The following MTBP variants were observed in gnomAD, a reference collection of about 807,000 sequenced individuals.
MTBP encodes MDM2 binding protein.
In MTBP, 101 loss-of-function variants were observed where a neutral mutation model predicts 117.0. The ratio of observed to expected loss-of-function variants is 0.86; its 90% CI spans 0.73 to 1.02. The LOEUF is 1.02. MTBP is among the 50% of genes least tolerant of loss of function. The pLI, the probability that MTBP is intolerant of heterozygous loss-of-function variation, is 0.00. For synonymous variants in MTBP, 350 were observed against 351.5 expected, an observed-to-expected ratio of 1.00 and a Z score of 0.05; for missense variants, 970 against 1,030.9, an observed-to-expected ratio of 0.94 and a Z score of 0.81.
At chr8:120,474,087 A>C (rs1192719846) in intron 11 of MTBP, 1 of 151,968 alleles carries the variant, frequency 6.6e-6, no homozygotes, top group Non-Finnish European at 1.5e-5. Flanking sequence ...TAATTTTAAG[A>C]ATATATCATG....
intron 2 of MTBP, among the ~76,000 whole-genome samples, chr8:120,449,965 A>G (rs1418660626): frequency 6.6e-6 from 1 of 152,216 alleles, no homozygotes; most frequent in Non-Finnish European, 1.5e-5. Context: ...TGTGGACAGT[A>G]CCTTCAGAAG....
Position 120,501,186 on chromosome 8 carries a change from A to G in MTBP, c.1610-1306A>G, listed in dbSNP as rs1477572490. On this transcript the variant is annotated intron_variant, in intron 14 of 21. Transcript: ENST00000305949. ...AGCCTGGGTGACAGAGTGAAACTCC[A>G]TCTCAAAAAAAAAAAAAAAAAAAAA... is the stretch of plus-strand genomic sequence containing the variant. Among the ~76,000 whole-genome samples, 132 of 30,466 alleles carry G rather than the reference A, an allele frequency of 4.3e-3. 1 individual carries two copies. The highest frequency in any genetic ancestry group is 0.011 in the Admixed American group (20 of 1,900). 20.0% of individuals were successfully genotyped at this position (30,466 alleles called of 152,430 possible).
At chr8:120,479,306 A>G (rs1364061942) in intron 11 of MTBP, among the ~76,000 whole-genome samples, 3 of 152,238 alleles carry the variant, frequency 2.0e-5, no homozygotes, top group African/African-American at 4.8e-5. Context: ...GCTGAAACAG[A>G]TAAGGTTAAA....
intron 13 of MTBP, among the ~76,000 whole-genome samples, chr8:120,492,852 A>G (rs1224081957): frequency 6.6e-6 from 1 of 152,184 alleles, no homozygotes; most frequent in Non-Finnish European, 1.5e-5. Flanking sequence ...AAAATTTGTA[A>G]GCTTGTGACT....
chr8:120,476,674 A>G (rs574625883), intron 11 of MTBP, among the ~76,000 whole-genome samples: 6 of 151,400 alleles, frequency 4.0e-5, no homozygotes, highest in Admixed American at 3.9e-4. Context: ...AGAATAAAAT[A>G]CCTAGGAATA....
intron 17 of MTBP, among the ~76,000 whole-genome samples, chr8:120,512,671 AC>A (rs1814837986): frequency 6.6e-6 from 1 of 152,034 alleles, no homozygotes; most frequent in Non-Finnish European, 1.5e-5. Context: ...TCCACTACCT[AC>A]CTACTCCCAT....
chr8:120,480,610 T>C (rs928239497), intron 11 of MTBP, among the ~76,000 whole-genome samples: 1 of 152,116 alleles, frequency 6.6e-6, no homozygotes, highest in Non-Finnish European at 1.5e-5. Context: ...TGGAACAGAA[T>C]AGAGTCAGAT....
At chr8:120,522,812 G>A in intron 21 of MTBP, 93 bp downstream of exon 21, 2 of 859,194 alleles carry the variant, frequency 2.3e-6, no homozygotes, top group Non-Finnish European at 1.8e-6. Context: ...GCAGTAATCA[G>A]TTACTGGTCT....
At position 120,463,752 on chromosome 8, in the gene MTBP, G is replaced by C. The variant is rs1485843458; in HGVS notation, c.1038G>C (p.Leu346=). 2 of 1,611,580 alleles carry C rather than the reference G, an allele frequency of 1.2e-6. No individual in the cohort carries two copies. Among genetic ancestry groups the C allele is most frequent in the Non-Finnish European group, 1.7e-6 (2 of 1,178,548 alleles). ...SVLLLEQISS[L]CSKVGALFVL... ...TGCTGTTGGAGCAGATTTCTTCTCT[G>C]TGTAGCAAGGTATTGAGGGTTTCTT... is the stretch of plus-strand genomic sequence containing the variant. Residue 346 remains leucine, a synonymous_variant, in exon 10 of 22, where the codon CTG becomes CTC. Coordinates refer to ENST00000305949, the MANE Select transcript of MTBP (RefSeq NM_022045.5).
intron 2 of MTBP, among the ~76,000 whole-genome samples, chr8:120,449,443 GTT>G (rs1278883989): frequency 6.6e-6 from 1 of 152,160 alleles, no homozygotes; most frequent in African/African-American, 2.4e-5. Context: ...AAGTAAAAAT[GTT>G]TTATAAAAGT....
chr8:120,487,264 G>C (rs1344075641), intron 11 of MTBP, among the ~76,000 whole-genome samples: 1 of 152,118 alleles, frequency 6.6e-6, no homozygotes, highest in African/African-American at 2.4e-5. Flanking sequence ...AGTGCCATCT[G>C]GGGTCACCAT....
chr8:120,447,636 A>G (rs554425699), intron 2 of MTBP, among the ~76,000 whole-genome samples: 4 of 152,302 alleles, frequency 2.6e-5, no homozygotes, highest in Admixed American at 2.0e-4. Context: ...GAATTGTCCC[A>G]TGACCTTTAA....
intron 2 of MTBP, among the ~76,000 whole-genome samples, chr8:120,448,555 C>T (rs1422889440): frequency 6.6e-6 from 1 of 152,210 alleles, no homozygotes; most frequent in Non-Finnish European, 1.5e-5. Flanking sequence ...CTGAATGGCA[C>T]TTGCACAGTG....
intron 18 of MTBP, 28 bp downstream of exon 18, chr8:120,516,219 A>G (rs1380224729): frequency 2.0e-6 from 3 of 1,517,424 alleles, no homozygotes; most frequent in Middle Eastern, 1.8e-4. Context: ...CATAAATAGT[A>G]TATTGACAGA....
chr8:120,490,097 A>G (rs2130583324), intron 12 of MTBP, among the ~76,000 whole-genome samples: 1 of 152,286 alleles, frequency 6.6e-6, no homozygotes, highest in South Asian at 2.1e-4. Flanking sequence ...CACAAAAAGG[A>G]ATAACAGGAG....
intron 13 of MTBP, among the ~76,000 whole-genome samples, chr8:120,493,681 A>G (rs1265612300): frequency 3.3e-5 from 5 of 151,756 alleles, no homozygotes; most frequent in Admixed American, 6.6e-5. Context: ...AGTAGAGATG[A>G]AGTTTCTTCA....
rs1267032243 is a variant in MTBP at position 120,517,907 on chromosome 8, A to G, written c.2303A>G (p.Asn768Ser). The G allele has an allele frequency of 8.7e-6, 14 of 1,611,320 alleles. No individual in the cohort carries two copies. Among genetic ancestry groups the G allele is most frequent in the African/African-American group, 1.3e-5 (1 of 74,804 alleles). ...CTTTCTCAGACAACTGGTAATAGTA[A>G]TCACTATCATCATCATGTGACATCC... ...SLLSQTTGNS[N>S]HYHHHVTSRK... Residue 768 changes from asparagine (N) to serine (S), a missense_variant, in exon 19 of 22, where the codon AAT (asparagine) becomes AGT (serine). Transcript: ENST00000305949.
intron 2 of MTBP, among the ~76,000 whole-genome samples, chr8:120,448,137 G>T (rs541580299): frequency 3.3e-5 from 5 of 152,088 alleles, no homozygotes; most frequent in Admixed American, 3.3e-4. Context: ...TCATTATGTT[G>T]CCCAGGCTGG....
intron 10 of MTBP, among the ~76,000 whole-genome samples, chr8:120,468,137 T>G (rs1436296861): frequency 6.6e-6 from 1 of 152,188 alleles, no homozygotes; most frequent in Admixed American, 6.5e-5. Context: ...TTAATGATTA[T>G]TTTCTATTGC....
Sources: allele counts gnomAD v4.1 joint callset (sites outside exome capture counted in the v4.1 genomes callset), GRCh38; gene constraint gnomAD v4.1.1; transcripts MANE v1.5; gene names NCBI Gene and HGNC (gene_info 2026-07-23, HGNC 2026-07-21).